Variants in TRAF3IP2 observed in about 807,000 individuals in gnomAD.
The protein encoded by TRAF3IP2 is TRAF3 interacting protein 2, also known as E3 ubiquitin ligase TRAF3IP2.
A neutral mutation model predicts 57.9 loss-of-function variants in TRAF3IP2; 35 were observed. The ratio of observed to expected loss-of-function variants is 0.60; its 90% CI spans 0.46 to 0.80. The LOEUF is 0.80. TRAF3IP2 is among the 30% of genes least tolerant of loss of function. The pLI is 0.00. For missense variants in TRAF3IP2, 556 were observed against 706.4 expected (o/e 0.79, Z 2.41); for synonymous variants, 251 against 268.9 (o/e 0.93, Z 0.65).
chr6:111,591,329 G>C lies in TRAF3IP2; in HGVS notation c.758C>G (p.Pro253Arg), dbSNP rs146627823. The C allele has an allele frequency of 1.7e-4, 256 of 1,519,800 alleles. No individual in the cohort carries two copies. Among genetic ancestry groups the C allele is most frequent in the Admixed American group, 3.4e-4 (15 of 44,402 alleles). The allele number at this position is 1,519,800 out of a possible 1,614,324, so 94.1% of individuals were successfully genotyped here. Residue 253 changes from proline (P) to arginine (R), a missense_variant, in exon 2 of 9, where the codon CCC (proline) becomes CGC (arginine). This residue lies in a region of TRAF3IP2 where 428 missense variants were observed against 498.7 expected (regional missense o/e 0.86). Transcript: ENST00000368761. The surrounding 1 kb of genome is among the most constrained non-coding windows in gnomAD (Gnocchi z 4.9). ...RYPACAQMLP[P>R]NLSPHAPWNY... is the part of the protein sequence containing the mutation. Reference sequence around the variant, plus strand: ...CCATGGAGCATGTGGGGAAAGATTGGGAGGCAGCATCTGTGCACATGCTGG... The same window carrying C: ...CCATGGAGCATGTGGGGAAAGATTGCGAGGCAGCATCTGTGCACATGCTGG...
In TRAF3IP2 at chr6:111,559,466, T is replaced by C; in HGVS notation, c.1637A>G (p.Glu546Gly). The part of the protein sequence containing the change: ...KKNILLRLLR[E>G]EEYVAPPRGP... ...CCGTGGAGGAGCCACATACTCTTCCTCTCTCAGCAGCCGCAGCAGGATGTT... is the reference window on the plus strand; with the variant it reads ...CCGTGGAGGAGCCACATACTCTTCCCCTCTCAGCAGCCGCAGCAGGATGTT... The change falls in exon 9 of 9, where the codon GAG becomes GGG. Residue 546 changes from glutamate (E) to glycine (G), a missense_variant. Physicochemically the swap from Glu to Gly is moderately conservative, Grantham distance 98. Transcript: ENST00000368761. 6.2e-7 allele frequency: 1 copy of C among 1,614,044 alleles called. No individual in the cohort carries two copies. Among genetic ancestry groups the C allele is most frequent in the South Asian group, 1.1e-5 (1 of 91,074 alleles).
At chr6:111,579,047 G>A (rs1451155371) in intron 3 of TRAF3IP2, among the ~76,000 whole-genome samples, 1 of 152,068 alleles carries the variant, frequency 6.6e-6, no homozygotes, top group Admixed American at 6.5e-5. Context: ...AATGATTAAA[G>A]AGGCAGGGCA....
At chr6:111,604,245 C>T (rs1796958188) in intron 1 of TRAF3IP2, among the ~76,000 whole-genome samples, 1 of 152,148 alleles carries the variant, frequency 6.6e-6, no homozygotes, top group South Asian at 2.1e-4. Context: ...AAGTCACGGT[C>T]TGGAAAAAGT....
intron 3 of TRAF3IP2, among the ~76,000 whole-genome samples, chr6:111,577,729 T>C (rs1181603902): frequency 2.6e-5 from 4 of 151,708 alleles, no homozygotes; most frequent in African/African-American, 9.7e-5. Context: ...TTTTAGTTTT[T>C]GAGACAGAGT....
At chr6:111,593,130 C>A (rs1317887142) in intron 1 of TRAF3IP2, among the ~76,000 whole-genome samples, 5 of 152,204 alleles carry the variant, frequency 3.3e-5, no homozygotes, top group Non-Finnish European at 5.9e-5. Flanking sequence ...ACAGGAGCAA[C>A]TGGGGGTTTG....
rs1267827626 is a variant in TRAF3IP2 at position 111,558,575 on chromosome 6, G to C, written c.*830C>G. 6.6e-6 allele frequency: 1 copy of C among 152,182 alleles called. No individual in the cohort carries two copies. The highest frequency in any genetic ancestry group is 1.5e-5 in the Non-Finnish European group (1 of 68,058). 9.4% of individuals were successfully genotyped at this position (152,182 alleles called of 1,614,324 possible). On this transcript the variant is annotated 3_prime_UTR_variant, in exon 9 of 9. Transcript: ENST00000368761. ...AGCCTCCCGAGTAGCTGGGATTACA[G>C]GTGCACACCACCATGCCCGGCTAAC... is the stretch of plus-strand genomic sequence containing the variant.
At chr6:111,562,092 C>T (rs1402904812) in intron 8 of TRAF3IP2, among the ~76,000 whole-genome samples, 1 of 152,204 alleles carries the variant, frequency 6.6e-6, no homozygotes, top group Non-Finnish European at 1.5e-5. Flanking sequence ...GTCTGATTCT[C>T]AACATGTTTA....
chr6:111,588,820 C>T (rs377276515), intron 2 of TRAF3IP2, among the ~76,000 whole-genome samples: 59 of 152,020 alleles, frequency 3.9e-4, no homozygotes, highest in African/African-American at 1.3e-3. Flanking sequence ...TTGGTAGATG[C>T]GTCTGATGAA....
rs762019279 is a variant in TRAF3IP2, at chr6:111,580,344, G to A, written c.875C>T (p.Pro292Leu). The A allele has an allele frequency of 7.5e-6, 12 of 1,591,564 alleles. No individual in the cohort carries two copies. Among genetic ancestry groups the A allele is most frequent in the Admixed American group, 1.9e-5 (1 of 54,026 alleles). ...PRAAYQQVIQPALPGQPLPGA... is the reference protein window; with the variant it reads ...PRAAYQQVIQLALPGQPLPGA... ...AGGCAGGGGCTGCCCAGGCAGAGCC[G>A]GCTGGATCACTTGCTGGTAGGCTGC... is the stretch of plus-strand genomic sequence containing the variant. The change falls in exon 3 of 9, where the codon CCG (proline) becomes CTG (leucine). Residue 292 changes from proline (P) to leucine (L), a missense_variant. Transcript: ENST00000368761.
chr6:111,559,408 C>A lies in TRAF3IP2; in HGVS notation c.1695G>T (p.Leu565Phe). The change falls in exon 9 of 9, where the codon TTG becomes TTT. Residue 565 changes from leucine to phenylalanine, a missense_variant. By Grantham distance (22) the Leu-to-Phe change is conservative. Transcript: ENST00000368761. ...GPLPTLQVVP[L>F] ...AGTGATCTGGGGATGAACGGTGTCA[C>A]AAGGGAACCACCTGAAGGGTGGGCA... The A allele has an allele frequency of 6.2e-7, 1 of 1,613,132 alleles. No homozygotes were observed. Among genetic ancestry groups the A allele is most frequent in the East Asian group, 2.2e-5 (1 of 44,882 alleles).
At chr6:111,559,772 C>G (rs1795367939) in intron 8 of TRAF3IP2, among the ~76,000 whole-genome samples, 1 of 152,210 alleles carries the variant, frequency 6.6e-6, no homozygotes, top group East Asian at 1.9e-4. Context: ...CACATGTGCA[C>G]AGCATTTTCT....
chr6:111,580,330 G>A lies in TRAF3IP2; in HGVS notation c.889C>T (p.Gln297Ter). The change falls in exon 3 of 9, where the codon CAG becomes TAG. Residue 297 changes from glutamine (Q) to a stop codon, truncating the protein, a stop_gained. Coordinates refer to ENST00000368761, the MANE Select transcript of TRAF3IP2 (RefSeq NM_147686.4). LOFTEE classifies it high-confidence loss of function. ...CTCACACTGGCTCCAGGCAGGGGCT[G>A]CCCAGGCAGAGCCGGCTGGATCACT... ...QQVIQPALPG[Q>*]PLPGASVRGL... is the part of the protein sequence containing the mutation. 1.9e-6 allele frequency: 3 copies of A among 1,602,898 alleles called. No individual in the cohort carries two copies. Among genetic ancestry groups the A allele is most frequent in the Non-Finnish European group, 2.6e-6 (3 of 1,176,360 alleles).
chr6:111,601,288 C>G lies in TRAF3IP2; in HGVS notation c.-9+4488G>C, dbSNP rs1583249759. 6.9e-6 allele frequency: 5 copies of G among 726,262 alleles called. No homozygotes were observed. In the East Asian group the frequency reaches 1.2e-4, roughly 18 times the overall value. The allele number at this position is 726,262 out of a possible 1,614,324, so 45.0% of individuals were successfully genotyped here. On this transcript the variant is annotated intron_variant, in intron 1 of 8. Transcript: ENST00000368761. ...GCCATGGCTTTCCTTCACGCCATCA[C>G]AAGAGGATACAGATGAGGCTGCAGA...
Position 111,567,696 on chromosome 6 carries a change from C to T in TRAF3IP2, c.1291-4G>A. On this transcript the variant is annotated splice_region_variant and splice_polypyrimidine_tract_variant and intron_variant, in intron 5 of 8. Coordinates refer to ENST00000368761, the MANE Select transcript of TRAF3IP2 (RefSeq NM_147686.4). ...TTCTATCCTCAAATATGTCAATCTG[C>T]AAAAAAAAAGATGTGGGAGTTGGCC... 6.5e-7 allele frequency: 1 copy of T among 1,536,832 alleles called. No individual in the cohort carries two copies. The highest frequency in any genetic ancestry group is 8.8e-7 in the Non-Finnish European group (1 of 1,135,084).
At chr6:111,571,975 A>C (rs1276610624) in intron 5 of TRAF3IP2, among the ~76,000 whole-genome samples, 1 of 152,188 alleles carries the variant, frequency 6.6e-6, no homozygotes, top group Non-Finnish European at 1.5e-5. Context: ...ACTCCTGTTA[A>C]ACAATACTAA....
chr6:111,585,441 A>T (rs1054664002), intron 2 of TRAF3IP2, among the ~76,000 whole-genome samples: 8 of 152,182 alleles, frequency 5.3e-5, no homozygotes, highest in African/African-American at 1.9e-4. Flanking sequence ...CTTTTTATTC[A>T]TTCAACAAAT....
chr6:111,559,420 C>T lies in TRAF3IP2; in HGVS notation c.1683G>A (p.Gln561=). ...ATGAACGGTGTCACAAGGGAACCAC[C>T]TGAAGGGTGGGCAGAGGCCCCCGTG... is the stretch of plus-strand genomic sequence containing the variant. ...APPRGPLPTL[Q]VVPL The change falls in exon 9 of 9, where the codon CAG becomes CAA. Residue 561 remains glutamine (Q), a synonymous_variant. Coordinates refer to ENST00000368761, the MANE Select transcript of TRAF3IP2 (RefSeq NM_147686.4). 9.9e-6 allele frequency: 16 copies of T among 1,613,788 alleles called. No homozygotes were observed. Among genetic ancestry groups the T allele is most frequent in the Non-Finnish European group, 1.4e-5 (16 of 1,179,982 alleles).
chr6:111,571,722 C>T lies in TRAF3IP2; in HGVS notation c.1290+1173G>A, dbSNP rs376180104. 2.0e-4 allele frequency among the ~76,000 whole-genome samples: 31 copies of T among 152,026 alleles called. No individual in the cohort carries two copies. In the East Asian group the frequency reaches 3.3e-3, roughly 16 times the overall value. ...TTGGCAGATCATGAGGTCAGGAGTTCGAGACCAGCCTGGCCAACATAGTGA... is the reference window on the plus strand; with the variant it reads ...TTGGCAGATCATGAGGTCAGGAGTTTGAGACCAGCCTGGCCAACATAGTGA... On this transcript the variant is annotated intron_variant, in intron 5 of 8. Transcript: ENST00000368761.
chr6:111,583,617 G>T (rs953640250), intron 2 of TRAF3IP2, among the ~76,000 whole-genome samples: 5 of 152,154 alleles, frequency 3.3e-5, no homozygotes, highest in Admixed American at 2.6e-4. Flanking sequence ...AGATCTAGCT[G>T]CAGGAAAACA....
Sources: allele counts gnomAD v4.1 joint callset (sites outside exome capture counted in the v4.1 genomes callset), GRCh38; gene constraint gnomAD v4.1.1; regional missense constraint gnomAD v4.1.1; non-coding constraint Gnocchi (gnomAD v3.1); transcripts MANE v1.5; gene names NCBI Gene and HGNC (gene_info 2026-07-23, HGNC 2026-07-21).